Variants in SEPTIN9 observed in about 807,000 individuals in gnomAD.
SEPTIN9 encodes the protein septin-9.
SEPTIN9 carries 13 observed loss-of-function variants against 56.6 expected under a neutral mutation model. The ratio of observed to expected loss-of-function variants is 0.23; its 90% CI spans 0.15 to 0.37. The LOEUF (loss-of-function observed/expected upper bound fraction) is 0.37, where lower values mean the gene tolerates loss of function less well. SEPTIN9 is among the 10% of genes least tolerant of loss of function. SEPTIN9 has a pLI of 1.00. For synonymous variants in SEPTIN9, 332 were observed against 334.1 expected, an observed-to-expected ratio of 0.99 and a Z score of 0.07; for missense variants, 650 against 823.1, an observed-to-expected ratio of 0.79 and a Z score of 2.57.
chr17:77,431,830 CAAAAAAAA>C (rs61461406), intron 3 of SEPTIN9, among the ~76,000 whole-genome samples: 2 of 55,250 alleles, frequency 3.6e-5, no homozygotes, highest in South Asian at 5.9e-4. Flanking sequence ...AATGCTGTCT[CAAAAAAAA>C]AAAAAAAAAA....
rs1379918077 is a variant in SEPTIN9 at position 77,421,873 on chromosome 17, CG to C, written c.721+19172del. Among the ~76,000 whole-genome samples the C allele has an allele frequency of 6.6e-6, 1 of 151,316 alleles. No homozygotes were observed. Among genetic ancestry groups the C allele is most frequent in the African/African-American group, 2.4e-5 (1 of 41,136 alleles). ...TGGAGTGTAGGGATTTTTTTTGAGA[CG>C]GTCTCTCTCTGTCGCCCAGGCTGGA... On this transcript the variant is annotated intron_variant, in intron 3 of 11. Coordinates refer to ENST00000427177, the MANE Select transcript of SEPTIN9 (RefSeq NM_001113491.2). The surrounding 1 kb of genome is among the most constrained non-coding windows in gnomAD (Gnocchi z 4.6).
chr17:77,365,985 G>A (rs1300225014), intron 2 of SEPTIN9, among the ~76,000 whole-genome samples: 1 of 152,132 alleles, frequency 6.6e-6, no homozygotes, highest in Non-Finnish European at 1.5e-5. Flanking sequence ...AGAGCAGGGT[G>A]CCTTCTTCAG....
At chr17:77,462,286 G>C (rs1263848584) in intron 3 of SEPTIN9, among the ~76,000 whole-genome samples, 1 of 152,242 alleles carries the variant, frequency 6.6e-6, no homozygotes, top group Non-Finnish European at 1.5e-5. Context: ...CGCACGTCCA[G>C]GCTGGAGAGC....
At chr17:77,443,657 C>T (rs1296622490) in intron 3 of SEPTIN9, among the ~76,000 whole-genome samples, 1 of 151,840 alleles carries the variant, frequency 6.6e-6, no homozygotes, top group Non-Finnish European at 1.5e-5. Context: ...ATTAGCTTGG[C>T]GTGGCGGCGC....
chr17:77,448,789 C>CT (rs906528979), intron 3 of SEPTIN9, among the ~76,000 whole-genome samples: 30 of 145,098 alleles, frequency 2.1e-4, no homozygotes, highest in South Asian at 4.4e-4. Flanking sequence ...CTTTTCTTTT[C>CT]TTTTTTTTTT....
At chr17:77,306,365 A>G (rs962893574) in intron 1 of SEPTIN9, among the ~76,000 whole-genome samples, 2 of 152,172 alleles carry the variant, frequency 1.3e-5, no homozygotes, top group Non-Finnish European at 2.9e-5. Context: ...CTACAGCAAT[A>G]GGGTGGCCGC....
intron 2 of SEPTIN9, among the ~76,000 whole-genome samples, chr17:77,363,457 G>C (rs1229697568): frequency 8.3e-6 from 1 of 120,314 alleles, no homozygotes; most frequent in Non-Finnish European, 1.6e-5. Context: ...GTGTAATCTT[G>C]GCTCACTACC....
intron 2 of SEPTIN9, among the ~76,000 whole-genome samples, chr17:77,321,183 C>G (rs1035507751): frequency 6.6e-6 from 1 of 152,196 alleles, no homozygotes; most frequent in Non-Finnish European, 1.5e-5. Flanking sequence ...GTGGCTGAGC[C>G]AAGCTCCAGG....
chr17:77,307,539 G>A (rs2032319433), intron 2 of SEPTIN9, among the ~76,000 whole-genome samples: 1 of 152,158 alleles, frequency 6.6e-6, no homozygotes, highest in East Asian at 1.9e-4. Flanking sequence ...GCCATGGACA[G>A]GTGGCTTTGG....
Position 77,369,223 on chromosome 17 carries a change from G to T in SEPTIN9, c.77-32836G>T, listed in dbSNP as rs1464637923. Among the ~76,000 whole-genome samples, 2 of 152,080 alleles carry T rather than the reference G, an allele frequency of 1.3e-5. No individual in the cohort carries two copies. Among genetic ancestry groups the T allele is most frequent in the Non-Finnish European group, 2.9e-5 (2 of 68,016 alleles). The stretch of plus-strand genomic sequence containing the variant: ...CACTCCAGACCGGGTGACAGAGTGA[G>T]ACCCTGTCAAAAAAGAAAAGAAAAG... On this transcript the variant is annotated intron_variant, in intron 2 of 11. Coordinates refer to ENST00000427177, the MANE Select transcript of SEPTIN9 (RefSeq NM_001113491.2). This position sits in a 1 kb window ranked among gnomAD's most constrained non-coding sequence, Gnocchi z 4.9.
At chr17:77,291,885 G>A (rs2031573495) in intron 1 of SEPTIN9, among the ~76,000 whole-genome samples, 1 of 152,142 alleles carries the variant, frequency 6.6e-6, no homozygotes, top group Admixed American at 6.5e-5. Flanking sequence ...TTCTGGGATT[G>A]CCCCCAAAAC....
intron 1 of SEPTIN9, among the ~76,000 whole-genome samples, chr17:77,306,447 C>G (rs1405827722): frequency 6.6e-6 from 1 of 152,218 alleles, no homozygotes; most frequent in Non-Finnish European, 1.5e-5. Context: ...CAAATCTCCT[C>G]GAGTTAGGAC....
intron 3 of SEPTIN9, among the ~76,000 whole-genome samples, chr17:77,431,427 C>T (rs1274367427): frequency 6.6e-6 from 1 of 152,206 alleles, no homozygotes; most frequent in Non-Finnish European, 1.5e-5. Flanking sequence ...ATAATAATTG[C>T]GTCCTCCAGA....
At chr17:77,490,892 C>T (rs751091826) in intron 8 of SEPTIN9, 33 bp downstream of exon 8, 2 of 1,501,528 alleles carry the variant, frequency 1.3e-6, no homozygotes, top group Admixed American at 2.0e-5. Flanking sequence ...CCCAGCCCTT[C>T]TGTGCAACCT....
intron 3 of SEPTIN9, among the ~76,000 whole-genome samples, chr17:77,443,149 T>C (rs1324512691): frequency 2.0e-5 from 3 of 151,848 alleles, no homozygotes; most frequent in African/African-American, 7.3e-5. Flanking sequence ...GAGGCAGACG[T>C]GGTTTATGGT....
chr17:77,422,835 TCTCTGGGGTGGGCC>T (rs1013465362), intron 3 of SEPTIN9, among the ~76,000 whole-genome samples: 1 of 151,900 alleles, frequency 6.6e-6, no homozygotes, highest in Non-Finnish European at 1.5e-5. Context: ...AGAACCAGAG[TCTCTGGGGTGGGCC>T]CTCTGCTTGT....
chr17:77,438,013 A>G (rs2037410113), intron 3 of SEPTIN9, among the ~76,000 whole-genome samples: 1 of 152,198 alleles, frequency 6.6e-6, no homozygotes, highest in South Asian at 2.1e-4. Flanking sequence ...TGAGCAGCCC[A>G]CGACACATCT....
intron 3 of SEPTIN9, among the ~76,000 whole-genome samples, chr17:77,477,481 G>C (rs2039264787): frequency 6.6e-6 from 1 of 152,166 alleles, no homozygotes; most frequent in African/African-American, 2.4e-5. Context: ...CCTTTTTATG[G>C]CTGAGAAATA....
At position 77,442,293 on chromosome 17, in the gene SEPTIN9, G is replaced by A. The variant is rs139898734; in HGVS notation, c.721+39590G>A. ...GCTCACTCTAACCTCCGCCTCCCGG[G>A]TTCAAGCGATTCCCCTGCCTCAGCC... On this transcript the variant is annotated intron_variant, in intron 3 of 11. Transcript: ENST00000427177. 7.5e-3 allele frequency: 1,146 copies of A among 152,158 alleles called. 12 individuals carry two copies. The highest frequency in any genetic ancestry group is 0.033 in the East Asian group (169 of 5,158). 9.4% of individuals were successfully genotyped at this position (152,158 alleles called of 1,614,324 possible).
Sources: gnomAD v4.1 joint callset for allele counts (sites outside exome capture counted in the v4.1 genomes callset) on GRCh38, gnomAD v4.1.1 for gene constraint, Gnocchi (gnomAD v3.1) non-coding constraint, MANE v1.5 for transcripts, NCBI Gene and HGNC (gene_info 2026-07-23, HGNC 2026-07-21) for gene names.